PDE10A: variants seen among roughly 807,000 people sequenced by gnomAD.
The protein encoded by PDE10A is phosphodiesterase 10A.
In PDE10A, 39 loss-of-function variants were observed where a neutral mutation model predicts 97.7. The ratio of observed to expected loss-of-function variants is 0.40; its 90% CI spans 0.31 to 0.52. PDE10A has a LOEUF of 0.52. PDE10A is among the 20% of genes least tolerant of loss of function. The pLI, the probability that PDE10A is intolerant of heterozygous loss-of-function variation, is 0.56. For synonymous variants in PDE10A, 371 were observed against 376.8 expected (o/e 0.98, Z 0.18); for missense variants, 731 against 1,047.8 (o/e 0.70, Z 4.17).
intron 1 of PDE10A, among the ~76,000 whole-genome samples, chr6:165,849,661 G>A (rs1780520786): frequency 6.6e-6 from 1 of 152,184 alleles, no homozygotes; most frequent in Admixed American, 6.5e-5. Flanking sequence ...CGGTGCCAGA[G>A]AGCTCAGAGG....
chr6:165,394,390 C>T (rs545093938), intron 15 of PDE10A, among the ~76,000 whole-genome samples: 2 of 152,220 alleles, frequency 1.3e-5, no homozygotes, highest in South Asian at 2.1e-4. Context: ...CTGCAAAGGA[C>T]ATGAACTCAT....
intron 1 of PDE10A, among the ~76,000 whole-genome samples, chr6:165,553,804 T>C (rs1784125985): frequency 6.6e-6 from 1 of 152,188 alleles, no homozygotes; most frequent in Admixed American, 6.5e-5. Flanking sequence ...GAAAGTCAAC[T>C]ACAAACTTGA....
intron 5 of PDE10A, among the ~76,000 whole-genome samples, chr6:165,439,472 G>T (rs371793968): frequency 3.9e-5 from 6 of 152,226 alleles, no homozygotes; most frequent in African/African-American, 1.4e-4. Context: ...CTCGACCAAA[G>T]GCCGCTGCAG....
At chr6:165,946,677 C>T (rs1783782811) in intron 1 of PDE10A, 1 of 151,914 alleles carries the variant, frequency 6.6e-6, no homozygotes, top group Admixed American at 6.6e-5. Context: ...CATCATGTTG[C>T]ACATAATAAA....
intron 1 of PDE10A, among the ~76,000 whole-genome samples, chr6:165,826,841 C>T (rs1779772939): frequency 6.6e-6 from 1 of 150,710 alleles, no homozygotes; most frequent in Non-Finnish European, 1.5e-5. Flanking sequence ...GCTGGGGACA[C>T]GGAGGGACAG....
intron 1 of PDE10A, among the ~76,000 whole-genome samples, chr6:165,778,806 T>TA (rs1778265694): frequency 6.6e-6 from 1 of 152,244 alleles, no homozygotes; most frequent in African/African-American, 2.4e-5. Context: ...TTTTTTCTTC[T>TA]ATGAAATTCT....
intron 17 of PDE10A, among the ~76,000 whole-genome samples, chr6:165,386,631 CA>C (rs1583172108): frequency 6.6e-6 from 1 of 152,144 alleles, no homozygotes; most frequent in South Asian, 2.1e-4. Flanking sequence ...CATCCATTTA[CA>C]AAAAAGCATG....
At chr6:165,841,649 C>G (rs747286418) in intron 1 of PDE10A, among the ~76,000 whole-genome samples, 1 of 152,250 alleles carries the variant, frequency 6.6e-6, no homozygotes, top group Non-Finnish European at 1.5e-5. Flanking sequence ...TTGGTGGGCA[C>G]TTGCTAGTGT....
chr6:165,892,963 G>A (rs993041024), intron 1 of PDE10A, among the ~76,000 whole-genome samples: 3 of 152,142 alleles, frequency 2.0e-5, no homozygotes, highest in Admixed American at 6.5e-5. Flanking sequence ...GGCACTGCAC[G>A]ACCTCCTCTT....
chr6:165,978,128 G>T (rs761753512), intron 1 of PDE10A, among the ~76,000 whole-genome samples: 2 of 152,186 alleles, frequency 1.3e-5, no homozygotes, highest in Admixed American at 1.3e-4. Context: ...TGGAATGCTG[G>T]AAATGGCTTA....
At chr6:165,714,151 G>C (rs1791970066) in intron 1 of PDE10A, among the ~76,000 whole-genome samples, 1 of 152,326 alleles carries the variant, frequency 6.6e-6, no homozygotes, top group Admixed American at 6.5e-5. Flanking sequence ...TTGCGTATCT[G>C]CATTTGGAAA....
chr6:165,896,697 T>G (rs1294310356), intron 1 of PDE10A, among the ~76,000 whole-genome samples: 1 of 152,012 alleles, frequency 6.6e-6, no homozygotes, highest in East Asian at 1.9e-4. Flanking sequence ...GCTAATTTTT[T>G]GTATTTTTAG....
chr6:165,342,074 T>C (rs918464828), intron 19 of PDE10A, among the ~76,000 whole-genome samples: 1 of 152,236 alleles, frequency 6.6e-6, no homozygotes, highest in Non-Finnish European at 1.5e-5. Flanking sequence ...AGTGTGTATA[T>C]AAGTTTTGAT....
At chr6:165,383,824 A>T (rs927198402) in intron 17 of PDE10A, among the ~76,000 whole-genome samples, 2 of 152,182 alleles carry the variant, frequency 1.3e-5, no homozygotes, top group African/African-American at 4.8e-5. Flanking sequence ...GGCGCTATGT[A>T]AAAGGGGGCA....
intron 1 of PDE10A, among the ~76,000 whole-genome samples, chr6:165,788,283 C>G (rs909903363): frequency 3.3e-5 from 5 of 151,818 alleles, no homozygotes; most frequent in African/African-American, 1.2e-4. Flanking sequence ...TTTGGGAGGC[C>G]GAGGCGGGCA....
At chr6:165,645,184 A>G (rs1789329688) in intron 1 of PDE10A, among the ~76,000 whole-genome samples, 1 of 152,072 alleles carries the variant, frequency 6.6e-6, no homozygotes, top group Admixed American at 6.5e-5. Flanking sequence ...AGGAGAGCCC[A>G]CTCGATTTCC....
At chr6:165,654,183 C>T (rs534384990) in intron 1 of PDE10A, among the ~76,000 whole-genome samples, 6 of 152,332 alleles carry the variant, frequency 3.9e-5, no homozygotes, top group East Asian at 3.9e-4. Flanking sequence ...CCCTGTACAC[C>T]GGTACTGCAT....
intron 1 of PDE10A, among the ~76,000 whole-genome samples, chr6:165,696,434 G>A (rs60673201): frequency 0.016 from 2,362 of 152,186 alleles, 62 homozygotes; most frequent in African/African-American, 0.055. Flanking sequence ...CCAGCATATC[G>A]ATGGACACTA....
chr6:165,987,225 G>A (rs933499211), intron 1 of PDE10A, among the ~76,000 whole-genome samples: 1 of 152,150 alleles, frequency 6.6e-6, no homozygotes, highest in Non-Finnish European at 1.5e-5. Flanking sequence ...CGTTAGCCCC[G>A]AGGCTGTCAG....
Sources: gnomAD v4.1 joint callset for allele counts (sites outside exome capture counted in the v4.1 genomes callset) on GRCh38, gnomAD v4.1.1 for gene constraint, MANE v1.5 for transcripts, NCBI Gene and HGNC (gene_info 2026-07-23, HGNC 2026-07-21) for gene names.